The following FAHD2A variants were observed in gnomAD, a reference collection of about 807,000 sequenced individuals.
The protein encoded by FAHD2A is oxaloacetate tautomerase FAHD2A, mitochondrial.
FAHD2A carries 27 observed loss-of-function variants against 33.4 expected under a neutral mutation model. The observed-to-expected ratio is 0.81, with a 90% confidence interval of 0.60 to 1.11. FAHD2A has a LOEUF of 1.11. Among genes scored for constraint, FAHD2A ranks in the 50% most tolerant of loss-of-function variants. The pLI, the probability that FAHD2A is intolerant of heterozygous loss-of-function variation, is 0.00. For synonymous variants in FAHD2A, 130 were observed against 153.3 expected (o/e 0.85, Z 1.12); for missense variants, 296 against 395.0 (o/e 0.75, Z 2.12).
In FAHD2A at chr2:95,415,727, C is replaced by T. The variant is rs1178682798; in HGVS notation, c.*2770C>T. On this transcript the variant is annotated 3_prime_UTR_variant, in exon 8 of 8. Transcript: ENST00000233379. ...CTGGCACCAAGGAGCTGCGAGCTTACCTCAACTCATCTCACCTCACCATGC... is the reference window on the plus strand; with the variant it reads ...CTGGCACCAAGGAGCTGCGAGCTTATCTCAACTCATCTCACCTCACCATGC... 6.6e-6 allele frequency: 1 copy of T among 152,618 alleles called. No homozygotes were observed. The highest frequency in any genetic ancestry group is 1.5e-5 in the Non-Finnish European group (1 of 68,064). 9.5% of individuals were successfully genotyped at this position (152,618 alleles called of 1,614,324 possible). A position where few individuals can be genotyped will look rare whatever the true frequency, so the allele number is the denominator to read the frequency against.
chr2:95,410,887 G>A lies in FAHD2A; in HGVS notation c.546G>A (p.Val182=). Residue 182 remains valine, a synonymous_variant, in exon 5 of 8, where the codon GTG becomes GTA. Coordinates refer to ENST00000233379, the MANE Select transcript of FAHD2A (RefSeq NM_016044.3). ...HIKATDAMAH[V]AGFTVAHDVS... Reference sequence around the variant, plus strand: ...AGGCCACAGATGCTATGGCCCACGTGGCCGGCTTCACTGTGGCTCATGACG... The same window carrying A: ...AGGCCACAGATGCTATGGCCCACGTAGCCGGCTTCACTGTGGCTCATGACG... 6.2e-7 allele frequency: 1 copy of A among 1,613,996 alleles called. No homozygotes were observed. The highest frequency in any genetic ancestry group is 8.5e-7 in the Non-Finnish European group (1 of 1,179,868).
chr2:95,417,721 A>G (rs1195611924), downstream of FAHD2A, among the ~76,000 whole-genome samples: 1 of 152,064 alleles, frequency 6.6e-6, no homozygotes, highest in Admixed American at 6.5e-5. Flanking sequence ...GGAGGTGGCC[A>G]TCTTCTTGCT....
At chr2:95,420,537 T>A (rs1683300462), downstream of FAHD2A, among the ~76,000 whole-genome samples, 2 of 151,002 alleles carry the variant, frequency 1.3e-5, no homozygotes, top group Non-Finnish European at 2.9e-5. Context: ...TGATCCAGCC[T>A]GGAAAAGGAG....
rs371268587 is a variant in FAHD2A, at chr2:95,412,692, C to G, written c.810C>G (p.Tyr270Ter). 6.2e-6 allele frequency: 10 copies of G among 1,614,020 alleles called. No individual in the cohort carries two copies. The highest frequency in any genetic ancestry group is 8.5e-6 in the Non-Finnish European group (10 of 1,180,010). Reference protein sequence around the residue: ...IAWVSQFVTFYPGDVILTGTP... With the variant: ...IAWVSQFVTF ...TTTGATCCAGGTTTGTTACCTTTTA[C>G]CCAGGGGATGTCATCCTAACTGGGA... The change falls in exon 7 of 8, where the codon TAC (tyrosine) becomes TAG (stop). Residue 270 changes from tyrosine to a stop codon, truncating the protein, a stop_gained. Transcript: ENST00000233379. LOFTEE classifies it high-confidence loss of function.
At chr2:95,417,498 A>G (rs1056561823), downstream of FAHD2A, among the ~76,000 whole-genome samples, 1 of 152,204 alleles carries the variant, frequency 6.6e-6, no homozygotes, top group Non-Finnish European at 1.5e-5. Context: ...TAAAGATCAC[A>G]TATTTACCTA....
In FAHD2A at chr2:95,413,356, G is replaced by T; in HGVS notation, c.*399G>T. 6.6e-7 allele frequency: 1 copy of T among 1,524,956 alleles called. No homozygotes were observed. The highest frequency in any genetic ancestry group is 8.8e-7 in the Non-Finnish European group (1 of 1,139,910). 94.5% of individuals were successfully genotyped at this position (1,524,956 alleles called of 1,614,324 possible). A position where few individuals can be genotyped will look rare whatever the true frequency, so the allele number is the denominator to read the frequency against. The stretch of plus-strand genomic sequence containing the variant: ...TCAAGCCTCAATGATTATATTTATA[G>T]CTAAGGGTTTGCAGCCTCCTCTCCA... On this transcript the variant is annotated 3_prime_UTR_variant, in exon 8 of 8. Coordinates refer to ENST00000233379, the MANE Select transcript of FAHD2A (RefSeq NM_016044.3).
downstream of FAHD2A, among the ~76,000 whole-genome samples, chr2:95,417,227 C>T (rs974572758): frequency 5.3e-5 from 8 of 152,346 alleles, no homozygotes; most frequent in Non-Finnish European, 8.8e-5. Context: ...AGCAGCTCAT[C>T]CCTGAGTTGA....
At chr2:95,419,576 G>T (rs1683285750), downstream of FAHD2A, among the ~76,000 whole-genome samples, 1 of 151,998 alleles carries the variant, frequency 6.6e-6, no homozygotes, top group Non-Finnish European at 1.5e-5. Flanking sequence ...TTTTATGTGG[G>T]GGAAGGGTGC....
At chr2:95,416,768 G>T (rs1683195816), downstream of FAHD2A, among the ~76,000 whole-genome samples, 1 of 152,174 alleles carries the variant, frequency 6.6e-6, no homozygotes. Flanking sequence ...GAGTCCTCGA[G>T]AATAGTTGAG....
rs763155612 is a variant in FAHD2A at position 95,407,069 on chromosome 2, C to G, written c.374C>G (p.Pro125Arg). 1.9e-5 allele frequency: 30 copies of G among 1,612,942 alleles called. 1 individual carries two copies. The South Asian group carries it at 3.0e-4, about 16-fold the overall frequency. ...YVDHCKEQNV[P>R]VPKEPIIFSK... ...GACCACTGCAAAGAACAGAACGTGC[C>G]CGTGCCCAAGGAGCCCATCATCTTC... Residue 125 changes from proline to arginine, a missense_variant, in exon 3 of 8, where the codon CCC becomes CGC. By Grantham distance (103) the Pro-to-Arg change is moderately radical. Transcript: ENST00000233379.
chr2:95,420,518 C>G (rs1228557262), downstream of FAHD2A, among the ~76,000 whole-genome samples: 2 of 151,658 alleles, frequency 1.3e-5, no homozygotes, highest in Admixed American at 6.6e-5. Context: ...AACACCAAAT[C>G]CCATGGTGTG....
At position 95,415,644 on chromosome 2, in the gene FAHD2A, T is replaced by C. The variant is rs1039841192; in HGVS notation, c.*2687T>C. The stretch of plus-strand genomic sequence containing the variant: ...CTCGCCAGCCGTGCAGTCCTCACTC[T>C]CTTGCCCAGGTAAGCTGGGGAAGAG... On this transcript the variant is annotated 3_prime_UTR_variant, in exon 8 of 8. Coordinates refer to ENST00000233379, the MANE Select transcript of FAHD2A (RefSeq NM_016044.3). 1.3e-5 allele frequency: 2 copies of C among 152,606 alleles called. No individual in the cohort carries two copies. Among genetic ancestry groups the C allele is most frequent in the African/African-American group, 4.8e-5 (2 of 41,432 alleles). The allele number at this position is 152,606 out of a possible 1,614,324, so 9.5% of individuals were successfully genotyped here. A position where few individuals can be genotyped will look rare whatever the true frequency, so the allele number is the denominator to read the frequency against.
intron 3 of FAHD2A, chr2:95,407,389 C>T: frequency 1.6e-6 from 1 of 628,978 alleles, no homozygotes; most frequent in Non-Finnish European, 2.8e-6. Flanking sequence ...TAGAGATAAA[C>T]ATTAAAAAAT....
intron 3 of FAHD2A, among the ~76,000 whole-genome samples, chr2:95,408,364 A>G (rs1681958008): frequency 2.0e-5 from 3 of 152,320 alleles, no homozygotes; most frequent in Admixed American, 6.5e-5. Flanking sequence ...AGTGGTTTCA[A>G]TCTAGGACAG....
chr2:95,410,433 A>G (rs781212369), intron 3 of FAHD2A, 94 bp from the exon 4 acceptor site: 7 of 1,502,034 alleles, frequency 4.7e-6, no homozygotes, highest in Non-Finnish European at 6.3e-6. Flanking sequence ...CATACTGACA[A>G]AGGTTGAGGC....
In FAHD2A at chr2:95,406,550, A is replaced by G. The variant is rs12997187; in HGVS notation, c.246-391A>G. Among the ~76,000 whole-genome samples the G allele has an allele frequency of 3.7e-3, 568 of 151,914 alleles. 3 individuals are homozygous for G. Among genetic ancestry groups the G allele is most frequent in the Non-Finnish European group, 5.4e-3 (365 of 67,874 alleles). Reference sequence around the variant, plus strand: ...ATATTGTTAAGCAGAGATCTCCAAAATCAGTTGTTTTTTTAAAAGATGTAA... The same window carrying G: ...ATATTGTTAAGCAGAGATCTCCAAAGTCAGTTGTTTTTTTAAAAGATGTAA... On this transcript the variant is annotated intron_variant, in intron 2 of 7. Transcript: ENST00000233379.
intron 1 of FAHD2A, 45 bp from the exon 2 acceptor site, chr2:95,405,508 G>A (rs776238448): frequency 1.9e-6 from 3 of 1,568,222 alleles, no homozygotes; most frequent in Non-Finnish European, 2.6e-6. Flanking sequence ...CCTGATGATG[G>A]CTCTGGGATC....
At chr2:95,411,558 C>T (rs1477659320) in intron 5 of FAHD2A, among the ~76,000 whole-genome samples, 3 of 152,230 alleles carry the variant, frequency 2.0e-5, no homozygotes, top group Non-Finnish European at 4.4e-5. Flanking sequence ...ATGGGCCAGC[C>T]ATGCCAGGAT....
At chr2:95,420,269 A>G (rs570186668), downstream of FAHD2A, among the ~76,000 whole-genome samples, 135 of 152,262 alleles carry the variant, frequency 8.9e-4, no homozygotes, top group Non-Finnish European at 1.6e-3. Context: ...GTTGATACAT[A>G]AAATTAACCA....
Sources: gnomAD v4.1 joint callset for allele counts (sites outside exome capture counted in the v4.1 genomes callset) on GRCh38, gnomAD v4.1.1 for gene constraint, MANE v1.5 for transcripts, NCBI Gene and HGNC (gene_info 2026-07-23, HGNC 2026-07-21) for gene names.